UTRN: variants seen among roughly 807,000 people sequenced by gnomAD.
UTRN encodes the protein dystrophin-related protein 1.
UTRN carries 283 observed loss-of-function variants against 463.9 expected under a neutral mutation model. That is an observed-to-expected ratio of 0.61 (90% CI 0.55 to 0.67). The LOEUF (loss-of-function observed/expected upper bound fraction) is 0.67. Ranked by LOEUF, UTRN falls within the 30% of genes least tolerant of loss-of-function variation. UTRN has a pLI of 0.00. For synonymous variants in UTRN, 1,442 were observed against 1,431.5 expected (o/e 1.01, Z -0.17); for missense variants, 3,922 against 4,084.3 (o/e 0.96, Z 1.08).
intron 33 of UTRN, among the ~76,000 whole-genome samples, chr6:144,496,876 G>A (rs967909140): frequency 1.1e-4 from 17 of 152,282 alleles, no homozygotes; most frequent in Admixed American, 1.0e-3. Context: ...TGGGTGAAAC[G>A]AGGAGATTTC....
chr6:144,744,970 G>A (rs1324314986), intron 54 of UTRN, among the ~76,000 whole-genome samples: 1 of 152,168 alleles, frequency 6.6e-6, no homozygotes, highest in Non-Finnish European at 1.5e-5. Context: ...CAACCTGTTA[G>A]AACCACCTGG....
intron 2 of UTRN, among the ~76,000 whole-genome samples, chr6:144,319,669 A>G (rs1775506825): frequency 6.6e-6 from 1 of 152,000 alleles, no homozygotes; most frequent in Admixed American, 6.6e-5. Context: ...CTGGGCTCAA[A>G]TGATCCTCCC....
chr6:144,618,558 A>G lies in UTRN; in HGVS notation c.7479+41270A>G, dbSNP rs549671827. ...ACTTTAGAGTTGGTTTTCAAAATCT[A>G]TTTGCTTCAAAGAATCTTAGTAGTC... On this transcript the variant is annotated intron_variant, in intron 51 of 74. Coordinates refer to ENST00000367545, the MANE Select transcript of UTRN (RefSeq NM_007124.3). Among the ~76,000 whole-genome samples, 7 of 152,198 alleles carry G rather than the reference A, an allele frequency of 4.6e-5. No homozygotes were observed. The East Asian group carries it at 1.2e-3, about 25-fold the overall frequency.
chr6:144,824,713 G>A lies in UTRN; in HGVS notation c.9495-2635G>A, dbSNP rs182582497. Among the ~76,000 whole-genome samples, 160 of 129,130 alleles carry A rather than the reference G, an allele frequency of 1.2e-3. 2 individuals carry two copies. In the East Asian group the frequency reaches 0.033, roughly 27 times the overall value. The allele number at this position is 129,130 out of a possible 152,430, so 84.7% of individuals were successfully genotyped here. A position where few individuals can be genotyped will look rare whatever the true frequency, so the allele number is the denominator to read the frequency against. Reference sequence around the variant, plus strand: ...CAGCTCACTGTCTCATTGCAGCCTCGACCTCCCAGGCTCAAGTGTTCCTCT... The same window carrying A: ...CAGCTCACTGTCTCATTGCAGCCTCAACCTCCCAGGCTCAAGTGTTCCTCT... On this transcript the variant is annotated intron_variant, in intron 66 of 74. Coordinates refer to ENST00000367545, the MANE Select transcript of UTRN (RefSeq NM_007124.3).
At position 144,423,411 on chromosome 6, in the gene UTRN, C is replaced by T. The variant is rs2114851569; in HGVS notation, c.235-138C>T. On this transcript the variant is annotated intron_variant, in intron 4 of 74. Transcript: ENST00000367545. ...GAACACCAGCTTCCAGGGTGGTAACCTGAGACCTCAGCCAGATCTCCTGCC... is the reference window on the plus strand; with the variant it reads ...GAACACCAGCTTCCAGGGTGGTAACTTGAGACCTCAGCCAGATCTCCTGCC... The T allele has an allele frequency of 6.5e-6, 5 of 768,716 alleles. No individual in the cohort carries two copies. In the East Asian group the frequency reaches 1.3e-4, roughly 21 times the overall value. 47.6% of individuals were successfully genotyped at this position (768,716 alleles called of 1,614,324 possible).
chr6:144,365,514 T>C (rs1357190379), intron 2 of UTRN, among the ~76,000 whole-genome samples: 1 of 152,224 alleles, frequency 6.6e-6, no homozygotes, highest in Non-Finnish European at 1.5e-5. Flanking sequence ...CTTCAGTTAA[T>C]GTGATTTAAT....
rs376439147 is a variant in UTRN at position 144,296,024 on chromosome 6, C to T, written c.79+4117C>T. Among the ~76,000 whole-genome samples the T allele has an allele frequency of 2.6e-5, 4 of 152,220 alleles. No individual in the cohort carries two copies. In the East Asian group the frequency reaches 5.8e-4, roughly 22 times the overall value. ...CTTTAGAAAGTAGCTCTCCCAGTCA[C>T]TCTTGACTGCATCTCTGTATTTACG... On this transcript the variant is annotated intron_variant, in intron 2 of 74. Transcript: ENST00000367545.
At chr6:144,617,867 G>A (rs1003531859) in intron 51 of UTRN, among the ~76,000 whole-genome samples, 1 of 152,100 alleles carries the variant, frequency 6.6e-6, no homozygotes, top group Admixed American at 6.6e-5. Context: ...CTACCCACTC[G>A]GTACCATGCA....
chr6:144,364,391 A>G (rs1779335475), intron 2 of UTRN, among the ~76,000 whole-genome samples: 1 of 151,996 alleles, frequency 6.6e-6, no homozygotes, highest in African/African-American at 2.4e-5. Context: ...TTTGGGTCAA[A>G]TGTCCTTTGT....
In UTRN at chr6:144,592,096, G is replaced by A. The variant is rs75563558; in HGVS notation, c.7479+14808G>A. ...GCCTTCCTTTTACACTTTACACATC[G>A]TGAATGCTTTGTAGGTCATGAATGC... On this transcript the variant is annotated intron_variant, in intron 51 of 74. Transcript: ENST00000367545. Among the ~76,000 whole-genome samples, 637 of 152,150 alleles carry A rather than the reference G, an allele frequency of 4.2e-3. 25 individuals are homozygous for A. The East Asian group carries it at 0.091, about 22-fold the overall frequency.
chr6:144,729,069 G>A (rs773954641), intron 53 of UTRN, among the ~76,000 whole-genome samples: 1 of 152,064 alleles, frequency 6.6e-6, no homozygotes, highest in South Asian at 2.1e-4. Flanking sequence ...GGAGGGTAAC[G>A]GGTGGCGTGT....
chr6:144,691,860 ATTAT>A (rs935916928), intron 52 of UTRN, among the ~76,000 whole-genome samples: 4 of 151,886 alleles, frequency 2.6e-5, no homozygotes, highest in South Asian at 2.1e-4. Flanking sequence ...TTATTTTTTA[ATTAT>A]TTATTATTTA....
rs377766608 is a variant in UTRN, at chr6:144,565,522, A to C, written c.7289+8211A>C. 1.1e-4 allele frequency among the ~76,000 whole-genome samples: 17 copies of C among 152,300 alleles called. No homozygotes were observed. In the South Asian group the frequency reaches 1.2e-3, roughly 11 times the overall value. Reference sequence around the variant, plus strand: ...GCCTAGGGTTTGGTGATTGAACAAAAAAGGAGGAAGGAGCAAAAGGGACTC... The same window carrying C: ...GCCTAGGGTTTGGTGATTGAACAAACAAGGAGGAAGGAGCAAAAGGGACTC... On this transcript the variant is annotated intron_variant, in intron 50 of 74. Coordinates refer to ENST00000367545, the MANE Select transcript of UTRN (RefSeq NM_007124.3).
At chr6:144,433,896 C>T (rs1036989638) in intron 9 of UTRN, among the ~76,000 whole-genome samples, 4 of 142,064 alleles carry the variant, frequency 2.8e-5, no homozygotes, top group East Asian at 2.2e-4. Flanking sequence ...ACATCCCAGA[C>T]GATGGGCGGC....
intron 13 of UTRN, among the ~76,000 whole-genome samples, chr6:144,442,735 C>G (rs549314626): frequency 1.3e-5 from 2 of 152,172 alleles, no homozygotes; most frequent in Non-Finnish European, 2.9e-5. Context: ...TACCTCCCAC[C>G]AAGTTCCTCT....
At chr6:144,717,828 G>T (rs183441787) in intron 53 of UTRN, among the ~76,000 whole-genome samples, 1 of 151,112 alleles carries the variant, frequency 6.6e-6, no homozygotes, top group East Asian at 1.9e-4. Context: ...TAGAGACGGG[G>T]ATTTCACCAT....
intron 51 of UTRN, among the ~76,000 whole-genome samples, chr6:144,630,938 G>T (rs1218067240): frequency 6.6e-6 from 1 of 152,036 alleles, no homozygotes; most frequent in Non-Finnish European, 1.5e-5. Flanking sequence ...GAAGAAGAAA[G>T]AAGATACTTT....
chr6:144,465,296 A>G (rs1049689658), intron 23 of UTRN, among the ~76,000 whole-genome samples: 1 of 152,256 alleles, frequency 6.6e-6, no homozygotes, highest in Non-Finnish European at 1.5e-5. Flanking sequence ...TGGAGCTTAA[A>G]GAGAATAAAT....
At chr6:144,412,730 GTGTGTGTA>G (rs1272028088) in intron 3 of UTRN, among the ~76,000 whole-genome samples, 1 of 126,288 alleles carries the variant, frequency 7.9e-6, no homozygotes, top group Non-Finnish European at 1.6e-5. Flanking sequence ...TTGTGTGTGT[GTGTGTGTA>G]TATATATATA....
Sources: allele counts gnomAD v4.1 joint callset (sites outside exome capture counted in the v4.1 genomes callset), GRCh38; gene constraint gnomAD v4.1.1; transcripts MANE v1.5; gene names NCBI Gene and HGNC (gene_info 2026-07-23, HGNC 2026-07-21).